Variants in GRID1 observed in about 807,000 individuals in gnomAD.
The protein encoded by GRID1 is glutamate receptor ionotropic, delta-1.
In GRID1, 28 loss-of-function variants were observed where a neutral mutation model predicts 98.0. The observed-to-expected ratio is 0.29, with a 90% confidence interval of 0.21 to 0.39. GRID1 has a LOEUF of 0.39. GRID1 is among the 10% of genes least tolerant of loss of function. The pLI is 1.00. For missense variants in GRID1, 1,111 were observed against 1,340.5 expected, an observed-to-expected ratio of 0.83 and a Z score of 2.67; for synonymous variants, 553 against 538.5, an observed-to-expected ratio of 1.03 and a Z score of -0.37.
intron 13 of GRID1, among the ~76,000 whole-genome samples, chr10:85,640,779 C>T (rs1843107762): frequency 6.6e-6 from 1 of 152,190 alleles, no homozygotes; most frequent in Non-Finnish European, 1.5e-5. Context: ...AATGTTGGTG[C>T]TAAGAGGTGA....
intron 8 of GRID1, among the ~76,000 whole-genome samples, chr10:85,739,293 A>T (rs1841917343): frequency 6.6e-6 from 1 of 152,094 alleles, no homozygotes; most frequent in Non-Finnish European, 1.5e-5. Context: ...CCAAAATAAC[A>T]TTATGGCCGG....
intron 2 of GRID1, among the ~76,000 whole-genome samples, chr10:86,263,141 C>G (rs960009150): frequency 6.6e-6 from 1 of 152,226 alleles, no homozygotes. Flanking sequence ...CATAATGAGG[C>G]TTCTCACTAC....
chr10:85,985,643 C>G (rs534838815), intron 4 of GRID1, among the ~76,000 whole-genome samples: 1 of 152,200 alleles, frequency 6.6e-6, no homozygotes, highest in Admixed American at 6.5e-5. Flanking sequence ...GAAATGCTAC[C>G]TGCACTCACA....
intron 3 of GRID1, among the ~76,000 whole-genome samples, chr10:86,189,916 G>T (rs1037179829): frequency 6.6e-6 from 1 of 152,114 alleles, no homozygotes; most frequent in Non-Finnish European, 1.5e-5. Flanking sequence ...TCTTTTGCCT[G>T]AAAACTCACC....
At chr10:86,235,647 G>A (rs919722716) in intron 2 of GRID1, among the ~76,000 whole-genome samples, 19 of 152,130 alleles carry the variant, frequency 1.2e-4, no homozygotes, top group Admixed American at 7.9e-4. Flanking sequence ...CATACAACAC[G>A]TAGTCTTCTG....
chr10:86,033,509 A>C (rs2131894405), intron 4 of GRID1, among the ~76,000 whole-genome samples: 1 of 152,332 alleles, frequency 6.6e-6, no homozygotes, highest in Middle Eastern at 3.4e-3. Flanking sequence ...TCAAAAATAC[A>C]ATCAAACTCT....
intron 4 of GRID1, among the ~76,000 whole-genome samples, chr10:86,030,195 A>G (rs964203340): frequency 6.6e-6 from 1 of 152,266 alleles, no homozygotes; most frequent in African/African-American, 2.4e-5. Flanking sequence ...TATAAAGGAA[A>G]GAGATTTTAT....
chr10:85,994,030 T>C (rs1164705742), intron 4 of GRID1, among the ~76,000 whole-genome samples: 1 of 152,210 alleles, frequency 6.6e-6, no homozygotes, highest in Non-Finnish European at 1.5e-5. Context: ...TTTAACCTTG[T>C]TGGACTCCTG....
At chr10:86,171,050 G>C (rs749578746) in intron 3 of GRID1, among the ~76,000 whole-genome samples, 1 of 152,108 alleles carries the variant, frequency 6.6e-6, no homozygotes, top group Non-Finnish European at 1.5e-5. Flanking sequence ...AGGCATACTA[G>C]AATCACCTGG....
At chr10:86,055,013 G>A (rs1843553656) in intron 4 of GRID1, among the ~76,000 whole-genome samples, 1 of 152,152 alleles carries the variant, frequency 6.6e-6, no homozygotes, top group Admixed American at 6.5e-5. Context: ...ATGAGCCTGG[G>A]CTAGCCTGCT....
intron 2 of GRID1, among the ~76,000 whole-genome samples, chr10:86,287,435 C>T (rs1727480206): frequency 6.6e-6 from 1 of 152,208 alleles, no homozygotes; most frequent in Non-Finnish European, 1.5e-5. Context: ...TATTGTTTTA[C>T]CAAGTGTCTT....
chr10:86,186,511 AG>A (rs1845727250), intron 3 of GRID1, among the ~76,000 whole-genome samples: 2 of 152,180 alleles, frequency 1.3e-5, no homozygotes, highest in South Asian at 4.2e-4. Context: ...AAGTAATTTG[AG>A]GACTTTCTGC....
At chr10:86,002,613 A>AC (rs1318483903) in intron 4 of GRID1, among the ~76,000 whole-genome samples, 2 of 151,828 alleles carry the variant, frequency 1.3e-5, no homozygotes, top group Non-Finnish European at 2.9e-5. Context: ...TCCACTTACA[A>AC]CCCCCCAGAC....
At chr10:86,199,039 T>C (rs982858856) in intron 3 of GRID1, among the ~76,000 whole-genome samples, 2 of 152,166 alleles carry the variant, frequency 1.3e-5, no homozygotes, top group Admixed American at 6.5e-5. Flanking sequence ...GCTTACTTTT[T>C]TATTTACTCA....
chr10:86,198,376 T>C (rs1005664857), intron 3 of GRID1, among the ~76,000 whole-genome samples: 6 of 151,962 alleles, frequency 3.9e-5, no homozygotes, highest in Non-Finnish European at 8.8e-5. Flanking sequence ...ACAACCAAAA[T>C]ACAGCTGTGT....
intron 4 of GRID1, among the ~76,000 whole-genome samples, chr10:86,011,347 T>C (rs1842921613): frequency 6.6e-6 from 1 of 152,206 alleles, no homozygotes; most frequent in African/African-American, 2.4e-5. Context: ...TCATCTGCTA[T>C]ACCTAACACC....
chr10:85,951,380 T>C (rs1244009674), intron 4 of GRID1, among the ~76,000 whole-genome samples: 1 of 151,960 alleles, frequency 6.6e-6, no homozygotes, highest in Non-Finnish European at 1.5e-5. Flanking sequence ...CCATTAAGTG[T>C]GCTCACATGT....
At chr10:86,310,543 C>T (rs1315164036) in intron 2 of GRID1, among the ~76,000 whole-genome samples, 1 of 152,176 alleles carries the variant, frequency 6.6e-6, no homozygotes, top group Non-Finnish European at 1.5e-5. Flanking sequence ...GGTGCATCAG[C>T]CAGCCAGTGC....
At chr10:86,317,854 C>A (rs1405962690) in intron 2 of GRID1, among the ~76,000 whole-genome samples, 1 of 152,172 alleles carries the variant, frequency 6.6e-6, no homozygotes, top group Admixed American at 6.5e-5. Context: ...GATCCTCCCA[C>A]CCCAGCCTCC....
Sources: allele counts gnomAD v4.1 joint callset (sites outside exome capture counted in the v4.1 genomes callset), GRCh38; gene constraint gnomAD v4.1.1; transcripts MANE v1.5; gene names NCBI Gene and HGNC (gene_info 2026-07-23, HGNC 2026-07-21).